INPP4B: variants seen among roughly 807,000 people sequenced by gnomAD.
The protein encoded by INPP4B is inositol polyphosphate-4-phosphatase type II B.
INPP4B carries 55 observed loss-of-function variants against 122.5 expected under a neutral mutation model. The observed-to-expected ratio is 0.45, with a 90% CI of 0.36 to 0.56. The LOEUF is 0.56. Among genes scored for constraint, INPP4B ranks in the 20% least tolerant of loss-of-function variants. The pLI is 0.00. For missense variants in INPP4B, 1,000 were observed against 1,097.7 expected (o/e 0.91, Z 1.26); for synonymous variants, 403 against 388.7 (o/e 1.04, Z -0.43).
At chr4:142,385,385 C>G (rs72724546) in intron 7 of INPP4B, among the ~76,000 whole-genome samples, 1 of 150,298 alleles carries the variant, frequency 6.7e-6, no homozygotes, top group African/African-American at 2.5e-5. Context: ...AAAAAAAAAA[C>G]CACTCTTGAA....
At chr4:142,333,875 G>A (rs72941158) in intron 7 of INPP4B, among the ~76,000 whole-genome samples, 42 of 152,108 alleles carry the variant, frequency 2.8e-4, no homozygotes, top group South Asian at 2.5e-3. Context: ...TTGTGTGTGC[G>A]ATGAGAGCAT....
rs181188709 is a variant in INPP4B, at chr4:142,822,632, T to C, written c.-254+23577A>G. 5.1e-4 allele frequency among the ~76,000 whole-genome samples: 77 copies of C among 152,178 alleles called. No homozygotes were observed. In the Middle Eastern group the frequency reaches 0.014, roughly 27 times the overall value. On this transcript the variant is annotated intron_variant, in intron 1 of 25. Transcript: ENST00000262992. ...AACCATCTACACCACCCCGACTCCA[T>C]CCGTGTAAAAACTGTCTTCCATGAA...
intron 2 of INPP4B, among the ~76,000 whole-genome samples, chr4:142,476,487 T>C (rs1819792498): frequency 6.6e-6 from 1 of 152,202 alleles, no homozygotes; most frequent in South Asian, 2.1e-4. Flanking sequence ...TAAATGTAAA[T>C]GGACTGAATG....
chr4:142,476,107 C>T (rs1580162678), intron 2 of INPP4B, among the ~76,000 whole-genome samples: 1 of 152,056 alleles, frequency 6.6e-6, no homozygotes, highest in South Asian at 2.1e-4. Context: ...GGACAGGTCA[C>T]CTACAAAGAG....
chr4:142,247,424 G>C (rs1292476839), intron 11 of INPP4B, among the ~76,000 whole-genome samples: 1 of 152,004 alleles, frequency 6.6e-6, no homozygotes. Flanking sequence ...GACTGATCCT[G>C]GTCTTTTTTT....
At chr4:142,590,198 T>C (rs529510277) in intron 2 of INPP4B, among the ~76,000 whole-genome samples, 14 of 152,272 alleles carry the variant, frequency 9.2e-5, no homozygotes, top group African/African-American at 3.1e-4. Flanking sequence ...GGTGAATACA[T>C]GACACTATGC....
intron 2 of INPP4B, among the ~76,000 whole-genome samples, chr4:142,702,730 C>CAAAAAA (rs35472471): frequency 2.6e-4 from 17 of 64,308 alleles, no homozygotes; most frequent in South Asian, 7.4e-4. Context: ...AACTCCGTCT[C>CAAAAAA]AAAAAAAAAA....
At chr4:142,325,008 C>A (rs993755878) in intron 7 of INPP4B, among the ~76,000 whole-genome samples, 2 of 152,190 alleles carry the variant, frequency 1.3e-5, no homozygotes, top group African/African-American at 4.8e-5. Flanking sequence ...TCAGCAAATA[C>A]CCCTAGACAA....
chr4:142,418,173 C>G (rs1464809638), intron 5 of INPP4B, among the ~76,000 whole-genome samples: 1 of 151,998 alleles, frequency 6.6e-6, no homozygotes, highest in African/African-American at 2.4e-5. Flanking sequence ...CTCTATTTCT[C>G]TAAAATATAA....
intron 3 of INPP4B, among the ~76,000 whole-genome samples, chr4:142,455,549 T>C (rs1815222236): frequency 6.6e-6 from 1 of 152,102 alleles, no homozygotes. Flanking sequence ...ACATTTTCTT[T>C]ATCCATTCAT....
intron 8 of INPP4B, 22 bp from the exon 9 acceptor site, chr4:142,305,559 G>C: frequency 6.3e-7 from 1 of 1,599,826 alleles, no homozygotes; most frequent in Non-Finnish European, 8.5e-7. Flanking sequence ...AGAAAGAATG[G>C]TTTCATTAAC....
At chr4:142,807,727 T>C (rs558376564) in intron 1 of INPP4B, among the ~76,000 whole-genome samples, 8 of 152,320 alleles carry the variant, frequency 5.3e-5, no homozygotes, top group African/African-American at 1.7e-4. Flanking sequence ...ACACAGTGAC[T>C]TTCAGTAGCC....
At chr4:142,042,616 G>A (rs970078290) in intron 25 of INPP4B, among the ~76,000 whole-genome samples, 15 of 152,014 alleles carry the variant, frequency 9.9e-5, no homozygotes, top group African/African-American at 3.4e-4. Flanking sequence ...AGGCTGGAGT[G>A]CAGTGATGCG....
chr4:142,363,213 GT>G (rs1184776426), intron 7 of INPP4B, among the ~76,000 whole-genome samples: 1 of 151,800 alleles, frequency 6.6e-6, no homozygotes, highest in East Asian at 1.9e-4. Context: ...TACATGACAA[GT>G]TTTCAAATTA....
chr4:142,108,200 G>A lies in INPP4B; in HGVS notation c.2277-10C>T, dbSNP rs773242194. ...AGAGACATCTCCAAACCTACAAACA[G>A]AAAAAAGAAAACAGCTGTGGGTTAT... On this transcript the variant is annotated splice_polypyrimidine_tract_variant and intron_variant, in intron 22 of 25. Coordinates refer to ENST00000262992, the MANE Select transcript of INPP4B (RefSeq NM_001101669.3). 6.7e-7 allele frequency: 1 copy of A among 1,487,938 alleles called. No homozygotes were observed. 92.2% of individuals were successfully genotyped at this position (1,487,938 alleles called of 1,614,324 possible).
intron 1 of INPP4B, among the ~76,000 whole-genome samples, chr4:142,790,438 CA>C (rs1776383831): frequency 6.6e-6 from 1 of 151,930 alleles, no homozygotes; most frequent in Admixed American, 6.6e-5. Context: ...AGAAGATATA[CA>C]AATGGCCAAC....
At chr4:142,217,019 C>T (rs562266865) in intron 12 of INPP4B, among the ~76,000 whole-genome samples, 154 of 152,140 alleles carry the variant, frequency 1.0e-3, no homozygotes, top group African/African-American at 3.4e-3. Flanking sequence ...CAAATTAGGG[C>T]GAGTAAATGA....
chr4:142,121,610 G>A (rs772804870), intron 21 of INPP4B, among the ~76,000 whole-genome samples: 9 of 151,916 alleles, frequency 5.9e-5, no homozygotes, highest in South Asian at 4.2e-4. Context: ...ACTGACCTTC[G>A]AAGCTATTTA....
intron 12 of INPP4B, among the ~76,000 whole-genome samples, chr4:142,213,822 G>A (rs1450255874): frequency 1.3e-5 from 2 of 152,056 alleles, no homozygotes; most frequent in African/African-American, 4.8e-5. Context: ...TGACCTTGAA[G>A]TCCACCCAAC....
Sources: allele counts gnomAD v4.1 joint callset (sites outside exome capture counted in the v4.1 genomes callset), GRCh38; gene constraint gnomAD v4.1.1; transcripts MANE v1.5; gene names NCBI Gene and HGNC (gene_info 2026-07-23, HGNC 2026-07-21).